Variants in NEK10 observed in about 807,000 individuals in gnomAD.
The protein encoded by NEK10 is NIMA related kinase 10, also known as serine/threonine-protein kinase Nek10.
A neutral mutation model predicts 159.8 loss-of-function variants in NEK10; 122 were observed. The observed-to-expected ratio is 0.76, with a 90% CI of 0.66 to 0.89. The LOEUF is 0.89. Among genes scored for constraint, NEK10 ranks in the 40% least tolerant of loss-of-function variants. The pLI, the probability that NEK10 is intolerant of heterozygous loss-of-function variation, is 0.00. For synonymous variants in NEK10, 466 were observed against 457.1 expected (o/e 1.02, Z -0.25); for missense variants, 1,342 against 1,323.1 (o/e 1.01, Z -0.22).
intron 26 of NEK10, among the ~76,000 whole-genome samples, chr3:27,181,372 T>C (rs1948082997): frequency 1.3e-5 from 2 of 152,104 alleles, no homozygotes; most frequent in Non-Finnish European, 1.5e-5. Context: ...GAAGAGAAAC[T>C]ATATTTACTA....
At chr3:27,148,735 C>T (rs1000874322) in intron 30 of NEK10, among the ~76,000 whole-genome samples, 2 of 152,128 alleles carry the variant, frequency 1.3e-5, no homozygotes, top group African/African-American at 4.8e-5. Context: ...GCTGACCTAC[C>T]TCCCTTTACT....
intron 23 of NEK10, among the ~76,000 whole-genome samples, chr3:27,246,249 A>G (rs1411796114): frequency 6.6e-6 from 1 of 152,174 alleles, no homozygotes; most frequent in African/African-American, 2.4e-5. Context: ...GTTCAGGGGT[A>G]CATCTGCAGG....
At chr3:27,120,650 T>A (rs774580669) in intron 32 of NEK10, among the ~76,000 whole-genome samples, 11 of 152,138 alleles carry the variant, frequency 7.2e-5, no homozygotes, top group Non-Finnish European at 1.3e-4. Context: ...CTTAATACAT[T>A]TTTCGAAATT....
At chr3:27,309,212 G>A in intron 9 of NEK10, 1 of 304,718 alleles carries the variant, frequency 3.3e-6, no homozygotes, top group Non-Finnish European at 6.0e-6. Context: ...TATATATAAT[G>A]TTAAAGCTGC....
At chr3:27,354,434 C>T (rs1305312371) in intron 1 of NEK10, among the ~76,000 whole-genome samples, 2 of 152,134 alleles carry the variant, frequency 1.3e-5, no homozygotes, top group Admixed American at 6.6e-5. Context: ...AAATGTTGCA[C>T]TTAACTAAAC....
chr3:27,107,212 C>T lies in NEK10; in HGVS notation c.*4060G>A, dbSNP rs1228987195. On this transcript the variant is annotated 3_prime_UTR_variant, in exon 36 of 36. Transcript: ENST00000691995. ...TTTAAAAACAACTATTGCCCATGAA[C>T]TCAGAAAATATGTAAATTGGCAATA... 6.6e-6 allele frequency among the ~76,000 whole-genome samples: 1 copy of T among 151,996 alleles called. No individual in the cohort carries two copies. The highest frequency in any genetic ancestry group is 1.5e-5 in the Non-Finnish European group (1 of 67,994).
intron 5 of NEK10, among the ~76,000 whole-genome samples, chr3:27,331,153 G>A (rs937556242): frequency 2.0e-5 from 3 of 147,614 alleles, no homozygotes; most frequent in Non-Finnish European, 3.0e-5. Context: ...AGGGAGAATC[G>A]CTTAAACTTG....
intron 23 of NEK10, among the ~76,000 whole-genome samples, chr3:27,239,562 G>A (rs1170290092): frequency 1.3e-5 from 2 of 152,156 alleles, no homozygotes; most frequent in Admixed American, 1.3e-4. Flanking sequence ...AGTTAAAAAT[G>A]CAGCACTAAA....
chr3:27,270,848 C>A (rs909922601), intron 22 of NEK10, among the ~76,000 whole-genome samples: 1 of 151,778 alleles, frequency 6.6e-6, no homozygotes, highest in South Asian at 2.1e-4. Flanking sequence ...ATGATCTGGG[C>A]GTTCAGAATG....
chr3:27,269,164 C>A (rs140739023), intron 22 of NEK10, among the ~76,000 whole-genome samples: 95 of 152,290 alleles, frequency 6.2e-4, no homozygotes, highest in African/African-American at 2.2e-3. Flanking sequence ...ATGGAATCCA[C>A]TCCTGGGAAA....
chr3:27,268,322 T>G (rs2041067805), intron 22 of NEK10, among the ~76,000 whole-genome samples: 1 of 152,146 alleles, frequency 6.6e-6, no homozygotes, highest in South Asian at 2.1e-4. Context: ...TAGACAAAAT[T>G]CCCTTCTACT....
At chr3:27,122,585 C>A (rs898455234) in intron 32 of NEK10, among the ~76,000 whole-genome samples, 2 of 152,106 alleles carry the variant, frequency 1.3e-5, no homozygotes, top group Non-Finnish European at 1.5e-5. Flanking sequence ...TTTTTAATGT[C>A]TTGTGATGCT....
At chr3:27,113,577 T>G (rs555253742) in intron 35 of NEK10, among the ~76,000 whole-genome samples, 2 of 152,290 alleles carry the variant, frequency 1.3e-5, no homozygotes, top group Admixed American at 6.5e-5. Flanking sequence ...CTTGACTGTT[T>G]CATCATACCT....
At chr3:27,261,996 T>C (rs2040456854) in intron 22 of NEK10, among the ~76,000 whole-genome samples, 1 of 152,188 alleles carries the variant, frequency 6.6e-6, no homozygotes, top group Non-Finnish European at 1.5e-5. Flanking sequence ...TTTGTCTCTT[T>C]TGTTCTTTGT....
chr3:27,118,515 T>TACC (rs1940822454), intron 33 of NEK10, among the ~76,000 whole-genome samples: 1 of 152,196 alleles, frequency 6.6e-6, no homozygotes, highest in African/African-American at 2.4e-5. Context: ...TTTAAAGGCA[T>TACC]ACCCCACAGT....
Position 27,350,104 on chromosome 3 carries a change from T to C in NEK10, c.132+2361A>G, listed in dbSNP as rs1178600473. The stretch of plus-strand genomic sequence containing the variant: ...CTGAATTTGGCCAGCCTGGTTCATT[T>C]GCAAAAAACAGGCCACAACTTGTTA... On this transcript the variant is annotated intron_variant, in intron 3 of 35. Transcript: ENST00000691995. Among the ~76,000 whole-genome samples the C allele has an allele frequency of 2.0e-5, 3 of 152,212 alleles. No homozygotes were observed. The East Asian group carries it at 5.8e-4, about 29-fold the overall frequency.
intron 25 of NEK10, 103 bp downstream of exon 25, chr3:27,201,407 G>T: frequency 2.1e-6 from 2 of 947,536 alleles, no homozygotes; most frequent in Non-Finnish European, 3.3e-6. Flanking sequence ...ATTATGTAGG[G>T]ACTCTTTCTC....
intron 6 of NEK10, among the ~76,000 whole-genome samples, chr3:27,314,599 T>G (rs1394896630): frequency 6.6e-6 from 1 of 152,100 alleles, no homozygotes; most frequent in Admixed American, 6.5e-5. Context: ...TCTTCTTAAC[T>G]CCTCCTGTGT....
chr3:27,246,242 CA>C (rs1559355114), intron 23 of NEK10, among the ~76,000 whole-genome samples: 1 of 152,014 alleles, frequency 6.6e-6, no homozygotes, highest in Non-Finnish European at 1.5e-5. Context: ...CTTTTAGGTT[CA>C]GGGGTACATC....
Sources: gnomAD v4.1 joint callset for allele counts (sites outside exome capture counted in the v4.1 genomes callset) on GRCh38, gnomAD v4.1.1 for gene constraint, MANE v1.5 for transcripts, NCBI Gene and HGNC (gene_info 2026-07-23, HGNC 2026-07-21) for gene names.